Variants in ZNF804A observed in about 807,000 individuals in gnomAD.
ZNF804A encodes zinc finger protein 804A.
In ZNF804A, 2 loss-of-function variants were observed where a neutral mutation model predicts 16.5. The ratio of observed to expected loss-of-function variants is 0.12; its 90% CI spans 0.05 to 0.38. The LOEUF (loss-of-function observed/expected upper bound fraction) is 0.38, where lower values mean the gene tolerates loss of function less well. Ranked by LOEUF, ZNF804A falls within the 10% of genes least tolerant of loss-of-function variation. The probability of loss-of-function intolerance (pLI) is 0.99; values close to 1 mark genes in which losing one functional copy is unlikely to be tolerated. For missense variants in ZNF804A, 1,473 were observed against 1,390.7 expected, an observed-to-expected ratio of 1.06 and a Z score of -0.94; for synonymous variants, 534 against 489.6, an observed-to-expected ratio of 1.09 and a Z score of -1.20.
rs180692184 is a variant in ZNF804A at position 184,910,951 on chromosome 2, C to A, written c.256-22652C>A. On this transcript the variant is annotated intron_variant, in intron 2 of 3. Transcript: ENST00000302277. ...CTCTGCTTACTTTTGTTGATAGTTT[C>A]TTTTGATGTGCAGAAGCTCTTTATT... Among the ~76,000 whole-genome samples the A allele has an allele frequency of 2.2e-4, 34 of 152,084 alleles. No individual in the cohort carries two copies. In the East Asian group the frequency reaches 6.4e-3, roughly 28 times the overall value.
At chr2:184,686,098 T>C (rs974016079) in intron 1 of ZNF804A, among the ~76,000 whole-genome samples, 1 of 152,208 alleles carries the variant, frequency 6.6e-6, no homozygotes, top group Non-Finnish European at 1.5e-5. Context: ...GAGTGGGTGC[T>C]GGGTGTGAGG....
chr2:184,842,566 G>A (rs1023633800), intron 1 of ZNF804A, among the ~76,000 whole-genome samples: 1 of 151,234 alleles, frequency 6.6e-6, no homozygotes, highest in African/African-American at 2.4e-5. Context: ...AGTAGAACTA[G>A]TATAAAATTA....
chr2:184,667,973 C>A (rs934551945), intron 1 of ZNF804A, among the ~76,000 whole-genome samples: 1 of 151,604 alleles, frequency 6.6e-6, no homozygotes, highest in South Asian at 2.1e-4. Context: ...GCAATGTGAT[C>A]TCTTGGATTG....
intron 2 of ZNF804A, among the ~76,000 whole-genome samples, chr2:184,911,472 T>C (rs1685357391): frequency 6.6e-6 from 1 of 152,082 alleles, no homozygotes; most frequent in African/African-American, 2.4e-5. Context: ...TGGTTCCTTA[T>C]CCATTTTAGA....
intron 1 of ZNF804A, among the ~76,000 whole-genome samples, chr2:184,847,519 C>T (rs906262463): frequency 6.6e-6 from 1 of 151,996 alleles, no homozygotes; most frequent in South Asian, 2.1e-4. Flanking sequence ...GAAACAGTCG[C>T]CCTCTTGCCA....
chr2:184,612,572 T>G (rs1691255428), intron 1 of ZNF804A, among the ~76,000 whole-genome samples: 2 of 151,938 alleles, frequency 1.3e-5, no homozygotes, highest in Non-Finnish European at 2.9e-5. Context: ...GTAGCTGGGA[T>G]TACAGGCTCC....
At chr2:184,739,801 T>C (rs922477404) in intron 1 of ZNF804A, among the ~76,000 whole-genome samples, 1 of 152,214 alleles carries the variant, frequency 6.6e-6, no homozygotes, top group African/African-American at 2.4e-5. Context: ...TCTTCAGATC[T>C]TACATGTTTT....
In ZNF804A at chr2:184,935,951, A is replaced by G; in HGVS notation, c.555A>G (p.Glu185=). 6.2e-7 allele frequency: 1 copy of G among 1,613,996 alleles called. No individual in the cohort carries two copies. Among genetic ancestry groups the G allele is most frequent in the South Asian group, 1.1e-5 (1 of 91,080 alleles). Residue 185 remains glutamate, a synonymous_variant, in exon 4 of 4, where the codon GAA becomes GAG. Coordinates refer to ENST00000302277, the MANE Select transcript of ZNF804A (RefSeq NM_194250.2). ...CTAAAGATGCTACCACTGTTGCTGA[A>G]GATCCAGAAAGTGCAAATAATTATA... ...ENTKDATTVA[E]DPESANNYTA...
intron 1 of ZNF804A, among the ~76,000 whole-genome samples, chr2:184,780,506 C>G (rs1030380806): frequency 6.6e-6 from 1 of 151,468 alleles, no homozygotes; most frequent in African/African-American, 2.4e-5. Flanking sequence ...TTTGTTTTTC[C>G]ATTTGTGCTT....
intron 1 of ZNF804A, among the ~76,000 whole-genome samples, chr2:184,657,983 T>C (rs1198482308): frequency 1.3e-5 from 2 of 152,236 alleles, no homozygotes; most frequent in Non-Finnish European, 2.9e-5. Flanking sequence ...AATACGATTG[T>C]CAAATTGTTC....
At chr2:184,719,080 G>T (rs1013396703) in intron 1 of ZNF804A, among the ~76,000 whole-genome samples, 1 of 152,154 alleles carries the variant, frequency 6.6e-6, no homozygotes, top group African/African-American at 2.4e-5. Flanking sequence ...CTAGCTGGAG[G>T]TTCTCAAACC....
chr2:184,887,438 A>G (rs529025506), intron 2 of ZNF804A, among the ~76,000 whole-genome samples: 1 of 152,324 alleles, frequency 6.6e-6, no homozygotes, highest in Non-Finnish European at 1.5e-5. Context: ...AGTTGCTTCA[A>G]CATTTTCAGG....
chr2:184,891,597 C>T (rs1684985618), intron 2 of ZNF804A, among the ~76,000 whole-genome samples: 1 of 151,946 alleles, frequency 6.6e-6, no homozygotes, highest in African/African-American at 2.4e-5. Context: ...CTTTTTTTCT[C>T]AGCCTCCACT....
intron 2 of ZNF804A, among the ~76,000 whole-genome samples, chr2:184,932,178 C>G (rs997143357): frequency 1.3e-5 from 2 of 152,164 alleles, no homozygotes; most frequent in Non-Finnish European, 2.9e-5. Context: ...CCACACTGTT[C>G]CAACCTCTGT....
At chr2:184,601,751 T>A (rs144981427) in intron 1 of ZNF804A, among the ~76,000 whole-genome samples, 83 of 152,044 alleles carry the variant, frequency 5.5e-4, no homozygotes, top group Middle Eastern at 3.4e-3. Context: ...AAATGTTTTT[T>A]TTCTTACTTC....
intron 2 of ZNF804A, among the ~76,000 whole-genome samples, chr2:184,930,466 A>T (rs566619289): frequency 1.3e-5 from 2 of 152,202 alleles, no homozygotes; most frequent in South Asian, 2.1e-4. Context: ...CATTCTTGAA[A>T]TATCTTTGTG....
chr2:184,797,509 T>C (rs941560065), intron 1 of ZNF804A, among the ~76,000 whole-genome samples: 25 of 152,150 alleles, frequency 1.6e-4, no homozygotes, highest in Admixed American at 1.6e-3. Flanking sequence ...TAAGTTTATA[T>C]GAGTCTGTGT....
intron 2 of ZNF804A, among the ~76,000 whole-genome samples, chr2:184,872,580 A>T (rs540801132): frequency 6.6e-5 from 10 of 152,304 alleles, no homozygotes; most frequent in Non-Finnish European, 4.4e-5. Context: ...ACTTTGAATT[A>T]GGAAAGTTAG....
At chr2:184,686,571 C>T (rs981207388) in intron 1 of ZNF804A, among the ~76,000 whole-genome samples, 1 of 152,188 alleles carries the variant, frequency 6.6e-6, no homozygotes, top group African/African-American at 2.4e-5. Context: ...GTAATGGGAG[C>T]ATTGAGTTGA....
Sources: gnomAD v4.1 joint callset for allele counts (sites outside exome capture counted in the v4.1 genomes callset) on GRCh38, gnomAD v4.1.1 for gene constraint, MANE v1.5 for transcripts, NCBI Gene and HGNC (gene_info 2026-07-23, HGNC 2026-07-21) for gene names.